Variants in CSMD1 observed in about 807,000 individuals in gnomAD.
CSMD1 encodes the protein CUB and sushi domain-containing protein 1.
Under a neutral mutation model 417.5 loss-of-function variants are expected in CSMD1, and 213 were observed. That is an observed-to-expected ratio of 0.51 (90% confidence interval 0.46 to 0.57). CSMD1 has a LOEUF of 0.57. Among genes scored for constraint, CSMD1 ranks in the 20% least tolerant of loss-of-function variants. The pLI, the probability that CSMD1 is intolerant of heterozygous loss-of-function variation, is 0.00. For synonymous variants in CSMD1, 2,862 were observed against 1,736.8 expected (o/e 1.65, Z -16.11); for missense variants, 6,923 against 4,529.7 (o/e 1.53, Z -15.17).
chr8:4,670,965 C>T (rs889172436), intron 1 of CSMD1, among the ~76,000 whole-genome samples: 8 of 152,174 alleles, frequency 5.3e-5, no homozygotes, highest in Non-Finnish European at 1.0e-4. Context: ...GACATCCATG[C>T]TATCTCCTGA....
intron 49 of CSMD1, among the ~76,000 whole-genome samples, chr8:3,061,347 A>C (rs1376019878): frequency 6.6e-6 from 1 of 152,238 alleles, no homozygotes; most frequent in Non-Finnish European, 1.5e-5. Flanking sequence ...GATTTAATGT[A>C]AAAGAAAGCA....
At chr8:4,185,599 G>T (rs538676084) in intron 3 of CSMD1, among the ~76,000 whole-genome samples, 1 of 152,200 alleles carries the variant, frequency 6.6e-6, no homozygotes, top group Non-Finnish European at 1.5e-5. Context: ...TAGTAAATGT[G>T]CTGATTTATG....
At chr8:3,919,683 T>C (rs1484741160) in intron 5 of CSMD1, among the ~76,000 whole-genome samples, 1 of 152,154 alleles carries the variant, frequency 6.6e-6, no homozygotes, top group African/African-American at 2.4e-5. Context: ...GCCATTGGAA[T>C]TTTGATAGAG....
intron 5 of CSMD1, among the ~76,000 whole-genome samples, chr8:3,888,410 AC>A (rs1162935843): frequency 2.6e-5 from 4 of 152,180 alleles, no homozygotes; most frequent in African/African-American, 9.6e-5. Flanking sequence ...CTATACGGAA[AC>A]CTTTTTTTAC....
intron 3 of CSMD1, among the ~76,000 whole-genome samples, chr8:4,098,645 T>A (rs955103661): frequency 1.3e-5 from 2 of 152,166 alleles, no homozygotes; most frequent in African/African-American, 4.8e-5. Context: ...TTCTACGTAT[T>A]GGTGGTTTTT....
chr8:4,026,963 C>T (rs995728040), intron 4 of CSMD1, among the ~76,000 whole-genome samples: 3 of 152,164 alleles, frequency 2.0e-5, no homozygotes, highest in South Asian at 2.1e-4. Flanking sequence ...ACCTACTTTG[C>T]AGTGTTTGCC....
At chr8:2,984,205 T>A (rs765924471) in intron 54 of CSMD1, among the ~76,000 whole-genome samples, 1 of 152,198 alleles carries the variant, frequency 6.6e-6, no homozygotes, top group Non-Finnish European at 1.5e-5. Context: ...AGGAAACGTC[T>A]GATCCACGTC....
intron 14 of CSMD1, among the ~76,000 whole-genome samples, chr8:3,407,126 G>A (rs73493489): frequency 0.025 from 3,873 of 152,080 alleles, 158 homozygotes; most frequent in African/African-American, 0.086. Context: ...TGGAAGGATG[G>A]ATGGATGAAT....
chr8:4,475,716 G>C (rs1800766936), intron 2 of CSMD1, among the ~76,000 whole-genome samples: 2 of 151,638 alleles, frequency 1.3e-5, no homozygotes, highest in Non-Finnish European at 2.9e-5. Flanking sequence ...GGGTTCAAGG[G>C]ATTCTCCTGC....
chr8:3,960,044 C>T (rs1812218156), intron 5 of CSMD1, among the ~76,000 whole-genome samples: 1 of 152,206 alleles, frequency 6.6e-6, no homozygotes, highest in African/African-American at 2.4e-5. Flanking sequence ...TTCTGGGCAT[C>T]TCAGGGAATG....
At chr8:3,787,176 A>G (rs1165276119) in intron 5 of CSMD1, among the ~76,000 whole-genome samples, 1 of 152,188 alleles carries the variant, frequency 6.6e-6, no homozygotes, top group Admixed American at 6.5e-5. Flanking sequence ...TTCACTTTCT[A>G]GAAAGGAAAA....
chr8:4,251,637 G>A (rs1803081758), intron 3 of CSMD1, among the ~76,000 whole-genome samples: 1 of 152,138 alleles, frequency 6.6e-6, no homozygotes, highest in Non-Finnish European at 1.5e-5. Flanking sequence ...ACTGGCAGCT[G>A]AATCATGACA....
At chr8:3,560,152 C>T (rs1416537957) in intron 10 of CSMD1, among the ~76,000 whole-genome samples, 1 of 152,058 alleles carries the variant, frequency 6.6e-6, no homozygotes. Context: ...GATTATATAA[C>T]TTATCTCTGT....
At chr8:3,091,727 T>C (rs1249266077) in intron 47 of CSMD1, 65 bp from the exon 48 acceptor site, 1 of 1,466,334 alleles carries the variant, frequency 6.8e-7, no homozygotes, top group East Asian at 2.4e-5. Context: ...GCATACTAGG[T>C]TTAGCTTTTG....
At chr8:3,466,012 G>A (rs1355499689) in intron 12 of CSMD1, among the ~76,000 whole-genome samples, 3 of 152,104 alleles carry the variant, frequency 2.0e-5, no homozygotes, top group Non-Finnish European at 4.4e-5. Context: ...GGGTTTACAT[G>A]TCTTACTGTG....
intron 7 of CSMD1, among the ~76,000 whole-genome samples, chr8:3,664,340 T>G (rs1798572355): frequency 6.6e-6 from 1 of 152,126 alleles, no homozygotes; most frequent in Non-Finnish European, 1.5e-5. Context: ...AGCTTCATCT[T>G]AAAATTAAAA....
At chr8:3,637,995 C>A (rs1368722968) in intron 7 of CSMD1, among the ~76,000 whole-genome samples, 1 of 152,158 alleles carries the variant, frequency 6.6e-6, no homozygotes, top group Non-Finnish European at 1.5e-5. Flanking sequence ...TTATGTGGAA[C>A]CATGAGTCCA....
chr8:4,476,744 C>T (rs1050180779), intron 2 of CSMD1, among the ~76,000 whole-genome samples: 1 of 152,110 alleles, frequency 6.6e-6, no homozygotes, highest in African/African-American at 2.4e-5. Context: ...ATTTCTATAC[C>T]TCCGTTTGTT....
intron 1 of CSMD1, among the ~76,000 whole-genome samples, chr8:4,897,706 C>T (rs946541957): frequency 6.6e-6 from 1 of 152,092 alleles, no homozygotes; most frequent in Non-Finnish European, 1.5e-5. Flanking sequence ...TACTTAAATA[C>T]ATTCTATCTG....
Sources: gnomAD v4.1 joint callset for allele counts (sites outside exome capture counted in the v4.1 genomes callset) on GRCh38, gnomAD v4.1.1 for gene constraint, MANE v1.5 for transcripts, NCBI Gene and HGNC (gene_info 2026-07-23, HGNC 2026-07-21) for gene names.